The following RTN1 variants were observed in gnomAD, a reference collection of about 807,000 sequenced individuals.
RTN1 encodes reticulon-1.
In RTN1, 25 loss-of-function variants were observed where a neutral mutation model predicts 65.5. That is an observed-to-expected ratio of 0.38 (90% CI 0.28 to 0.53). RTN1 has a LOEUF of 0.53. Ranked by LOEUF, RTN1 falls within the 20% of genes least tolerant of loss-of-function variation. The pLI is 0.79. For missense variants in RTN1, 983 were observed against 1,025.4 expected, an observed-to-expected ratio of 0.96 and a Z score of 0.57; for synonymous variants, 471 against 447.6, an observed-to-expected ratio of 1.05 and a Z score of -0.66.
chr14:59,763,143 T>C (rs1885780922), intron 1 of RTN1, among the ~76,000 whole-genome samples: 1 of 152,140 alleles, frequency 6.6e-6, no homozygotes, highest in African/African-American at 2.4e-5. Context: ...TCTCTCTCTC[T>C]CCCCGTGTAC....
intron 2 of RTN1, among the ~76,000 whole-genome samples, chr14:59,732,999 G>C (rs1447555355): frequency 6.6e-6 from 1 of 152,076 alleles, no homozygotes; most frequent in Admixed American, 6.5e-5. Context: ...TGCGGGCTTT[G>C]AAGAGTCCAA....
chr14:59,750,116 AATATAT>A (rs1295672123), intron 1 of RTN1, among the ~76,000 whole-genome samples: 1 of 85,782 alleles, frequency 1.2e-5, no homozygotes, highest in Non-Finnish European at 2.0e-5. Context: ...TATTATATAT[AATATAT>A]ATTATCTATA....
At position 59,870,214 on chromosome 14, in the gene RTN1, ATTG is replaced by A. The variant is rs1213528426; in HGVS notation, c.241+173_241+175del. Among the ~76,000 whole-genome samples the A allele has an allele frequency of 6.6e-6, 1 of 152,200 alleles. No individual in the cohort carries two copies. Among genetic ancestry groups the A allele is most frequent in the South Asian group, 2.1e-4 (1 of 4,808 alleles). On this transcript the variant is annotated intron_variant, in intron 1 of 8. Coordinates refer to ENST00000267484, the MANE Select transcript of RTN1 (RefSeq NM_021136.3). The surrounding 1 kb of genome is among the most constrained non-coding windows in gnomAD (Gnocchi z 5.1). ...TTTCTGAGCCTTTGGGAAAAATAAAATTGTTGTTTTCTACCAGCCCGCGAATAT... is the reference window on the plus strand; with the variant it reads ...TTTCTGAGCCTTTGGGAAAAATAAAATTGTTTTCTACCAGCCCGCGAATAT...
intron 8 of RTN1, among the ~76,000 whole-genome samples, chr14:59,601,640 A>C (rs1394486563): frequency 6.6e-6 from 1 of 152,190 alleles, no homozygotes; most frequent in Non-Finnish European, 1.5e-5. Context: ...GTATTGGACA[A>C]CTTAGGTCTA....
intron 3 of RTN1, among the ~76,000 whole-genome samples, chr14:59,664,960 G>T (rs75602104): frequency 0.018 from 2,728 of 152,256 alleles, 77 homozygotes; most frequent in African/African-American, 0.062. Flanking sequence ...CACCAGCAAT[G>T]AATGAGTGAT....
chr14:59,609,285 C>CA (rs71451071), intron 3 of RTN1, among the ~76,000 whole-genome samples: 41,260 of 130,762 alleles, frequency 0.32, 5,823 homozygotes, highest in Middle Eastern at 0.43. Context: ...ACTCTGTCTC[C>CA]AAAAAAAAAA....
chr14:59,674,290 C>G (rs1415757589), intron 3 of RTN1, among the ~76,000 whole-genome samples: 3 of 152,276 alleles, frequency 2.0e-5, no homozygotes, highest in Non-Finnish European at 4.4e-5. Flanking sequence ...CATATTTGCA[C>G]TAGGTAGTTT....
At position 59,790,755 on chromosome 14, in the gene RTN1, A is replaced by G. The variant is rs1291752392; in HGVS notation, c.242-44274T>C. Reference sequence around the variant, plus strand: ...TCATTTGTTCTATTTCCTACCCCAGATATACTGATTTTTCTTTGGCTGTAT... The same window carrying G: ...TCATTTGTTCTATTTCCTACCCCAGGTATACTGATTTTTCTTTGGCTGTAT... On this transcript the variant is annotated intron_variant, in intron 1 of 8. Coordinates refer to ENST00000267484, the MANE Select transcript of RTN1 (RefSeq NM_021136.3). The surrounding 1 kb of genome is among the most constrained non-coding windows in gnomAD (Gnocchi z 4.1). Among the ~76,000 whole-genome samples the G allele has an allele frequency of 6.6e-6, 1 of 151,916 alleles. No individual in the cohort carries two copies. Among genetic ancestry groups the G allele is most frequent in the Non-Finnish European group, 1.5e-5 (1 of 67,984 alleles).
intron 3 of RTN1, among the ~76,000 whole-genome samples, chr14:59,704,097 A>G (rs1884237637): frequency 6.6e-6 from 1 of 152,128 alleles, no homozygotes; most frequent in Admixed American, 6.5e-5. Flanking sequence ...TTCCCCTTTT[A>G]AACTTAAACC....
intron 1 of RTN1, among the ~76,000 whole-genome samples, chr14:59,853,456 C>T (rs1412388715): frequency 6.6e-6 from 1 of 152,170 alleles, no homozygotes; most frequent in African/African-American, 2.4e-5. Context: ...TATTTTTAGA[C>T]AGCTGTCATA....
chr14:59,725,570 GTCT>G (rs1373679257), intron 3 of RTN1, among the ~76,000 whole-genome samples: 1 of 152,176 alleles, frequency 6.6e-6, no homozygotes, highest in Non-Finnish European at 1.5e-5. Context: ...CGTTAAATTT[GTCT>G]TCAAGTATCT....
intron 1 of RTN1, among the ~76,000 whole-genome samples, chr14:59,749,268 A>ATATATATATATC (rs1566711297): frequency 0.013 from 269 of 21,076 alleles, 24 homozygotes; most frequent in South Asian, 0.025. Context: ...ATATATATCT[A>ATATATATATATC]TATATATATC....
intron 2 of RTN1, among the ~76,000 whole-genome samples, chr14:59,743,077 C>A (rs978805261): frequency 6.6e-6 from 1 of 152,124 alleles, no homozygotes; most frequent in African/African-American, 2.4e-5. Flanking sequence ...CCTGAATATG[C>A]CTTGCTTAGA....
intron 2 of RTN1, among the ~76,000 whole-genome samples, chr14:59,744,724 C>T (rs866522669): frequency 1.3e-5 from 2 of 152,120 alleles, no homozygotes; most frequent in African/African-American, 2.4e-5. Flanking sequence ...TCTGTGCCAT[C>T]CCTAAAAGAT....
chr14:59,745,673 G>C, intron 2 of RTN1, 35 bp downstream of exon 2: 1 of 1,516,014 alleles, frequency 6.6e-7, no homozygotes, highest in Non-Finnish European at 8.8e-7. Context: ...CCATATGCTG[G>C]GTTTTCCTAA....
intron 1 of RTN1, among the ~76,000 whole-genome samples, chr14:59,826,194 T>C (rs998453494): frequency 1.3e-5 from 2 of 152,188 alleles, no homozygotes; most frequent in East Asian, 1.9e-4. Context: ...ATCTCAGTAC[T>C]TTTCAGCATG....
intron 1 of RTN1, among the ~76,000 whole-genome samples, chr14:59,755,056 C>A (rs74058782): frequency 6.6e-6 from 1 of 152,210 alleles, no homozygotes; most frequent in South Asian, 2.1e-4. Context: ...TTCCTGTGGA[C>A]GGAGCCTATT....
intron 3 of RTN1, among the ~76,000 whole-genome samples, chr14:59,706,926 C>G (rs1162426447): frequency 1.3e-5 from 2 of 152,136 alleles, no homozygotes; most frequent in Non-Finnish European, 2.9e-5. Flanking sequence ...ATTATTCAAT[C>G]CCCTTGATGG....
intron 3 of RTN1, among the ~76,000 whole-genome samples, chr14:59,671,359 T>C (rs1883500382): frequency 6.6e-6 from 1 of 152,224 alleles, no homozygotes; most frequent in South Asian, 2.1e-4. Context: ...ATTACTTCTT[T>C]TGCAACTGTC....
Sources: gnomAD v4.1 joint callset for allele counts (sites outside exome capture counted in the v4.1 genomes callset) on GRCh38, gnomAD v4.1.1 for gene constraint, Gnocchi (gnomAD v3.1) non-coding constraint, MANE v1.5 for transcripts, NCBI Gene and HGNC (gene_info 2026-07-23, HGNC 2026-07-21) for gene names.